SERHL2: variants seen among roughly 807,000 people sequenced by gnomAD.
SERHL2 encodes the protein serine hydrolase like 2, also known as serine hydrolase-like protein 2.
In SERHL2, 29 loss-of-function variants were observed where a neutral mutation model predicts 25.5. That is an observed-to-expected ratio of 1.14 (90% CI 0.85 to 1.55). The LOEUF (loss-of-function observed/expected upper bound fraction) is 1.55. Among genes scored for constraint, SERHL2 ranks in the 40% most tolerant of loss-of-function variants. SERHL2 has a pLI of 0.00. For synonymous variants in SERHL2, 95 were observed against 103.5 expected, an observed-to-expected ratio of 0.92 and a Z score of 0.50; for missense variants, 240 against 252.3, an observed-to-expected ratio of 0.95 and a Z score of 0.33.
chr22:42,562,597 C>T (rs886299444), intron 8 of SERHL2, among the ~76,000 whole-genome samples: 1 of 151,596 alleles, frequency 6.6e-6, no homozygotes, highest in East Asian at 1.9e-4. Context: ...AGCTCCACTT[C>T]CTCTTTTGAA....
At chr22:42,570,642 A>T (rs376812128) in intron 9 of SERHL2, among the ~76,000 whole-genome samples, 7 of 152,306 alleles carry the variant, frequency 4.6e-5, no homozygotes, top group African/African-American at 9.6e-5. Context: ...GGAGGCCGGC[A>T]GGGGCCATCA....
chr22:42,567,707 G>T (rs917748326), intron 9 of SERHL2, among the ~76,000 whole-genome samples: 1 of 148,426 alleles, frequency 6.7e-6, no homozygotes, highest in Admixed American at 6.7e-5. Flanking sequence ...ATAAAAGTTC[G>T]ATTTTTCTTT....
chr22:42,563,996 C>CT lies in SERHL2; in HGVS notation c.614-2308_614-2307insT, dbSNP rs397775160. 1.9e-4 allele frequency among the ~76,000 whole-genome samples: 29 copies of CT among 150,626 alleles called. 1 individual carries two copies. The highest frequency in any genetic ancestry group is 3.1e-4 in the Non-Finnish European group (21 of 67,632). ...GCTGAGGCAAGAGAATCGCTTGAACCGGGAGGTGGAGGTTGCAGTGAGCTG... is the reference window on the plus strand; with the variant it reads ...GCTGAGGCAAGAGAATCGCTTGAACCTGGGAGGTGGAGGTTGCAGTGAGCTG... On this transcript the variant is annotated intron_variant, in intron 8 of 11. Coordinates refer to ENST00000327678, the MANE Select transcript of SERHL2 (RefSeq NM_014509.5).
intron 8 of SERHL2, among the ~76,000 whole-genome samples, chr22:42,561,055 A>C (rs1183990044): frequency 2.6e-5 from 4 of 151,802 alleles, no homozygotes; most frequent in Non-Finnish European, 5.9e-5. Flanking sequence ...TTGAGTAAGG[A>C]AGAGTCTGGG....
At chr22:42,557,022 C>T (rs1257566500) in intron 6 of SERHL2, among the ~76,000 whole-genome samples, 2 of 34,296 alleles carry the variant, frequency 5.8e-5, no homozygotes, top group Non-Finnish European at 1.0e-4. Context: ...AGGACTGACC[C>T]CTCTGACCAC....
chr22:42,566,165 G>A (rs1923349548), intron 8 of SERHL2, 139 bp from the exon 9 acceptor site: 4 of 773,738 alleles, frequency 5.2e-6, no homozygotes, highest in South Asian at 1.6e-5. Context: ...GGGAGTCCTG[G>A]GCAGCTGAGG....
chr22:42,566,728 C>G (rs1267831156), intron 9 of SERHL2, among the ~76,000 whole-genome samples: 2 of 151,932 alleles, frequency 1.3e-5, no homozygotes, highest in African/African-American at 4.8e-5. Context: ...GAAGTCAGCT[C>G]GGTGCATCTG....
chr22:42,573,659 A>AC (rs1301332338), intron 11 of SERHL2: 7 of 459,808 alleles, frequency 1.5e-5, no homozygotes, highest in Middle Eastern at 6.1e-4. Flanking sequence ...AATCACAGCA[A>AC]CCCTGGCCTC....
chr22:42,563,541 C>T, intron 8 of SERHL2: 2 of 309,586 alleles, frequency 6.5e-6, no homozygotes, highest in South Asian at 4.8e-5. Context: ...TATCTGGCCC[C>T]TGAAGCCCCG....
chr22:42,566,790 A>G (rs992748343), intron 9 of SERHL2, among the ~76,000 whole-genome samples: 37 of 152,222 alleles, frequency 2.4e-4, no homozygotes, highest in Non-Finnish European at 4.4e-4. Flanking sequence ...GGGGAGGGGC[A>G]GGATGACAAA....
Position 42,569,258 on chromosome 22 carries a change from CTATTTATT to C in SERHL2, c.649-1852_649-1845del, listed in dbSNP as rs921752394. ...GCTGCTGAAGCAAAGCACCTACCTT[CTATTTATT>C]TATTTATTTAGAGACCAAGTCTTAC... On this transcript the variant is annotated intron_variant, in intron 9 of 11. Transcript: ENST00000327678. 6 of 151,546 alleles carry C rather than the reference CTATTTATT, an allele frequency of 4.0e-5. No homozygotes were observed. The East Asian group carries it at 7.7e-4, about 20-fold the overall frequency. 9.4% of individuals were successfully genotyped at this position (151,546 alleles called of 1,614,324 possible).
At chr22:42,554,068 C>T (rs372415716) in intron 1 of SERHL2, 26 bp downstream of exon 1, 10 of 1,611,248 alleles carry the variant, frequency 6.2e-6, no homozygotes, top group Non-Finnish European at 7.6e-6. Flanking sequence ...CTTGTGCGAG[C>T]GTCCCACTGC....
At chr22:42,573,511 T>G (rs899745833) in intron 11 of SERHL2, 2 of 170,492 alleles carry the variant, frequency 1.2e-5, no homozygotes, top group East Asian at 1.8e-4. Context: ...CCGCCTGCCT[T>G]GGCCTCCCAA....
intron 10 of SERHL2, chr22:42,571,556 G>C (rs1217233060): frequency 2.2e-5 from 19 of 851,200 alleles, no homozygotes; most frequent in Non-Finnish European, 2.7e-5. Flanking sequence ...CTCCCGAGTA[G>C]CTGGGACTAC....
At chr22:42,561,213 G>A (rs936508541) in intron 8 of SERHL2, among the ~76,000 whole-genome samples, 2 of 151,930 alleles carry the variant, frequency 1.3e-5, no homozygotes, top group South Asian at 2.1e-4. Context: ...AGTGGTCCAG[G>A]AAGCAGCTCT....
intron 8 of SERHL2, among the ~76,000 whole-genome samples, chr22:42,561,571 C>T (rs569753795): frequency 3.0e-4 from 45 of 151,618 alleles, no homozygotes; most frequent in African/African-American, 1.1e-3. Flanking sequence ...CTGGAGGCAG[C>T]CCACCCTGGT....
chr22:42,570,431 C>T (rs1201186697), intron 9 of SERHL2, among the ~76,000 whole-genome samples: 1 of 151,888 alleles, frequency 6.6e-6, no homozygotes, highest in Non-Finnish European at 1.5e-5. Flanking sequence ...ATAAATAAGG[C>T]TCTAACAATT....
Position 42,572,463 on chromosome 22 carries a change from A to G in SERHL2, c.759A>G (p.Arg253=). The G allele has an allele frequency of 6.2e-7, 1 of 1,611,836 alleles. No individual in the cohort carries two copies. The highest frequency in any genetic ancestry group is 8.5e-7 in the Non-Finnish European group (1 of 1,178,238). ...IKAVHGYFDS[R]QNYSEKESLS... Reference sequence around the variant, plus strand: ...CAGTCCACGGATATTTTGATTCAAGACAGAATTACTCTGAGAAGGAGTCCC... The same window carrying G: ...CAGTCCACGGATATTTTGATTCAAGGCAGAATTACTCTGAGAAGGAGTCCC... Residue 253 remains arginine (R), a synonymous_variant, in exon 11 of 12, where the codon AGA becomes AGG. Coordinates refer to ENST00000327678, the MANE Select transcript of SERHL2 (RefSeq NM_014509.5).
At position 42,560,175 on chromosome 22, in the gene SERHL2, T is replaced by C. The variant is rs776664039; in HGVS notation, c.534-11T>C. The stretch of plus-strand genomic sequence containing the variant: ...CCTCCAGGCACCCAGCATCCTTCTG[T>C]CTCCCCCCAGGTTACTGAAGAGCAA... On this transcript the variant is annotated splice_polypyrimidine_tract_variant and intron_variant, in intron 7 of 11. Coordinates refer to ENST00000327678, the MANE Select transcript of SERHL2 (RefSeq NM_014509.5). 6.2e-7 allele frequency: 1 copy of C among 1,607,794 alleles called. No homozygotes were observed. Among genetic ancestry groups the C allele is most frequent in the Non-Finnish European group, 8.5e-7 (1 of 1,174,666 alleles).
Sources: allele counts gnomAD v4.1 joint callset (sites outside exome capture counted in the v4.1 genomes callset), GRCh38; gene constraint gnomAD v4.1.1; transcripts MANE v1.5; gene names NCBI Gene and HGNC (gene_info 2026-07-23, HGNC 2026-07-21).